The following MROH2A variants were observed in gnomAD, a reference collection of about 807,000 sequenced individuals.
MROH2A encodes maestro heat like repeat family member 2A, also known as maestro heat-like repeat-containing protein family member 2A.
In MROH2A, 174 loss-of-function variants were observed where a neutral mutation model predicts 200.4. The observed-to-expected ratio is 0.87, with a 90% CI of 0.77 to 0.98. The LOEUF (loss-of-function observed/expected upper bound fraction) is 0.98, where lower values mean the gene tolerates loss of function less well. Ranked by LOEUF, MROH2A falls within the 50% of genes least tolerant of loss-of-function variation. MROH2A has a pLI of 0.00. For synonymous variants in MROH2A, 829 were observed against 840.4 expected (o/e 0.99, Z 0.23); for missense variants, 2,045 against 2,139.6 (o/e 0.96, Z 0.87).
chr2:233,831,616 C>T (rs1704760596), intron 39 of MROH2A, 76 bp downstream of exon 39: 1 of 1,473,702 alleles, frequency 6.8e-7, no homozygotes, highest in Non-Finnish European at 9.1e-7. Context: ...TCGAGATTGC[C>T]ACAGCTCTTT....
chr2:233,794,396 A>G lies in MROH2A; in HGVS notation c.856A>G (p.Met286Val), dbSNP rs760024330. 8.1e-5 allele frequency: 125 copies of G among 1,548,052 alleles called. No individual in the cohort carries two copies. Among genetic ancestry groups the G allele is most frequent in the East Asian group, 1.7e-4 (7 of 40,636 alleles). ...KLGVIKSLKP[M>V]LGLLLPNDDL... ...GGGGGTGATCAAGTCCCTGAAGCCC[A>G]TGCTCGGCCTCCTTCTGCCCAACGA... Residue 286 changes from methionine to valine, a missense_variant, in exon 8 of 42, where the codon ATG (methionine) becomes GTG (valine). Physicochemically the swap from Met to Val is conservative, Grantham distance 21. Coordinates refer to ENST00000389758, the MANE Select transcript of MROH2A (RefSeq NM_001394639.1).
chr2:233,787,431 A>G (rs1575901003), intron 3 of MROH2A, among the ~76,000 whole-genome samples: 1 of 136,468 alleles, frequency 7.3e-6, no homozygotes, highest in African/African-American at 2.8e-5. Flanking sequence ...ACACACACAC[A>G]TATGTATATA....
chr2:233,792,092 A>G (rs1023556071), intron 5 of MROH2A, among the ~76,000 whole-genome samples: 1 of 151,990 alleles, frequency 6.6e-6, no homozygotes, highest in Admixed American at 6.5e-5. Flanking sequence ...TGTTCGCCCA[A>G]GAACGTTTGT....
At chr2:233,819,274 G>C in intron 29 of MROH2A, 43 bp from the exon 30 acceptor site, 1 of 1,532,804 alleles carries the variant, frequency 6.5e-7, no homozygotes, top group Non-Finnish European at 8.8e-7. Flanking sequence ...AGCAGTCATG[G>C]AGTGGCAGGG....
In MROH2A at chr2:233,811,869, G is replaced by T; in HGVS notation, c.2572-11G>T. The T allele has an allele frequency of 6.5e-7, 1 of 1,547,806 alleles. No homozygotes were observed. ...CACCAAAAGCCACCACCCCCTGCTT[G>T]TGTTGGACAGGCGGTCATCAAGGCA... On this transcript the variant is annotated splice_polypyrimidine_tract_variant and intron_variant, in intron 23 of 41. Coordinates refer to ENST00000389758, the MANE Select transcript of MROH2A (RefSeq NM_001394639.1).
chr2:233,831,608 G>A (rs1704760182), intron 39 of MROH2A, 68 bp downstream of exon 39: 19 of 1,495,660 alleles, frequency 1.3e-5, no homozygotes, highest in Admixed American at 2.2e-5. Context: ...CTGGGGGGTC[G>A]AGATTGCCAC....
chr2:233,821,831 G>T (rs1703955469), intron 31 of MROH2A, among the ~76,000 whole-genome samples: 1 of 152,150 alleles, frequency 6.6e-6, no homozygotes, highest in African/African-American at 2.4e-5. Context: ...TGTCCGTACA[G>T]TCATCAAACA....
In MROH2A at chr2:233,807,726, C is replaced by T. The variant is rs908086309; in HGVS notation, c.2173-7C>T. 33 of 1,550,662 alleles carry T rather than the reference C, an allele frequency of 2.1e-5. No individual in the cohort carries two copies. Among genetic ancestry groups the T allele is most frequent in the Non-Finnish European group, 2.7e-5 (31 of 1,147,006 alleles). ...CCCTCACCCTGGCTGGCTGGGTCTC[C>T]CTGCAGGGTGTGATTATGTGCTTTG... On this transcript the variant is annotated splice_polypyrimidine_tract_variant and splice_region_variant and intron_variant, in intron 20 of 41. Coordinates refer to ENST00000389758, the MANE Select transcript of MROH2A (RefSeq NM_001394639.1). The surrounding 1 kb of genome is among the most constrained non-coding windows in gnomAD (Gnocchi z 4.3).
chr2:233,798,979 G>T (rs967548572), intron 12 of MROH2A, 129 bp downstream of exon 12: 113 of 726,792 alleles, frequency 1.6e-4, no homozygotes, highest in Non-Finnish European at 2.4e-4. Flanking sequence ...TCTCGACTGG[G>T]GCTGCAGAAT....
chr2:233,796,244 A>G lies in MROH2A; in HGVS notation c.1183A>G (p.Met395Val), dbSNP rs1257877432. 2 of 1,537,116 alleles carry G rather than the reference A, an allele frequency of 1.3e-6. No homozygotes were observed. Among genetic ancestry groups the G allele is most frequent in the African/African-American group, 2.8e-5 (2 of 72,068 alleles). ...GCTGATGAAGTTCTTCTTCAGCCAG[A>G]TGGAGACAAACAAGGAGGCCGTCCG... ...KELMKFFFSQ[M>V]ETNKEAVRVG... Residue 395 changes from methionine to valine, a missense_variant, in exon 11 of 42, where the codon ATG becomes GTG. By Grantham distance (21) the Met-to-Val change is conservative. Coordinates refer to ENST00000389758, the MANE Select transcript of MROH2A (RefSeq NM_001394639.1).
rs974038669 is a variant in MROH2A at position 233,820,938 on chromosome 2, A to G, written c.3512+882A>G. 6.6e-6 allele frequency among the ~76,000 whole-genome samples: 1 copy of G among 152,090 alleles called. No homozygotes were observed. The highest frequency in any genetic ancestry group is 2.4e-5 in the African/African-American group (1 of 41,418). ...CAGGTGTCATGATTTAATGAGGCTC[A>G]GTGGCTCATGAGGCAGTGCTGGGTG... On this transcript the variant is annotated intron_variant, in intron 31 of 41. Coordinates refer to ENST00000389758, the MANE Select transcript of MROH2A (RefSeq NM_001394639.1). The surrounding 1 kb of genome is among the most constrained non-coding windows in gnomAD (Gnocchi z 4.1).
intron 27 of MROH2A, among the ~76,000 whole-genome samples, chr2:233,817,382 A>G (rs1469966220): frequency 2.6e-5 from 4 of 152,064 alleles, no homozygotes; most frequent in Non-Finnish European, 4.4e-5. Context: ...CAGGAGGATG[A>G]TGGAGTCAGG....
chr2:233,793,701 G>C lies in MROH2A; in HGVS notation c.699G>C (p.Gln233His). The C allele has an allele frequency of 6.8e-7, 1 of 1,459,946 alleles. No individual in the cohort carries two copies. Among genetic ancestry groups the C allele is most frequent in the Non-Finnish European group, 9.1e-7 (1 of 1,102,782 alleles). 90.4% of individuals were successfully genotyped at this position (1,459,946 alleles called of 1,614,324 possible). Residue 233 changes from glutamine (Q) to histidine (H), a missense_variant, in exon 7 of 42, where the codon CAG (glutamine) becomes CAC (histidine). Coordinates refer to ENST00000389758, the MANE Select transcript of MROH2A (RefSeq NM_001394639.1). Reference protein sequence around the residue: ...SAMETFCETVQFYLKHLEESV... With the variant: ...SAMETFCETVHFYLKHLEESV... ...TGGAGACCTTCTGTGAGACGGTGCA[G>C]TTTTATCTGAAGCACCTGGAGGAGA...
At chr2:233,798,270 T>C (rs192381529) in intron 11 of MROH2A, among the ~76,000 whole-genome samples, 2 of 152,332 alleles carry the variant, frequency 1.3e-5, no homozygotes, top group Admixed American at 1.3e-4. Context: ...GTGTTAACTC[T>C]GTGAGAGAGG....
intron 10 of MROH2A, 35 bp downstream of exon 10, chr2:233,796,080 C>A (rs1157660894): frequency 6.5e-7 from 1 of 1,545,990 alleles, no homozygotes; most frequent in Non-Finnish European, 8.7e-7. Context: ...CCTGCCTGCC[C>A]CGAGGCCTGC....
At chr2:233,824,120 G>T (rs1285294612) in intron 35 of MROH2A, among the ~76,000 whole-genome samples, 1 of 151,422 alleles carries the variant, frequency 6.6e-6, no homozygotes, top group Non-Finnish European at 1.5e-5. Flanking sequence ...AGGCCGGCCA[G>T]TGTTTTCTGT....
chr2:233,799,900 G>A lies in MROH2A; in HGVS notation c.1449+1G>A, dbSNP rs1026191485. The A allele has an allele frequency of 3.2e-6, 5 of 1,550,466 alleles. No individual in the cohort carries two copies. Among genetic ancestry groups the A allele is most frequent in the Non-Finnish European group, 4.4e-6 (5 of 1,146,910 alleles). On this transcript the variant is annotated splice_donor_variant, in intron 13 of 41. Coordinates refer to ENST00000389758, the MANE Select transcript of MROH2A (RefSeq NM_001394639.1). LOFTEE classifies it high-confidence loss of function. ...GCTGACCTTATCCACCTACAAACTG[G>A]TGAGTGGCCCTGATACGCAGACCGC... is the stretch of plus-strand genomic sequence containing the variant.
At chr2:233,802,619 A>G (rs1473072701) in intron 15 of MROH2A, among the ~76,000 whole-genome samples, 4 of 151,950 alleles carry the variant, frequency 2.6e-5, no homozygotes, top group Non-Finnish European at 5.9e-5. Flanking sequence ...CCCATGCATG[A>G]CCTTACTGGG....
In MROH2A at chr2:233,778,867, C is replaced by A. The variant is rs369408691; in HGVS notation, c.-15+386C>A. Among the ~76,000 whole-genome samples the A allele has an allele frequency of 9.2e-5, 14 of 152,304 alleles. No homozygotes were observed. In the East Asian group the frequency reaches 2.7e-3, roughly 29 times the overall value. On this transcript the variant is annotated intron_variant, in intron 1 of 41. Transcript: ENST00000389758. ...ATTGATTATCTCACGGTTCCACTGGCCAGGAGTCTAGGCATGGCTTTCCTT... is the reference window on the plus strand; with the variant it reads ...ATTGATTATCTCACGGTTCCACTGGACAGGAGTCTAGGCATGGCTTTCCTT...
Sources: allele counts gnomAD v4.1 joint callset (sites outside exome capture counted in the v4.1 genomes callset), GRCh38; gene constraint gnomAD v4.1.1; non-coding constraint Gnocchi (gnomAD v3.1); transcripts MANE v1.5; gene names NCBI Gene and HGNC (gene_info 2026-07-23, HGNC 2026-07-21).